Variants in STPG2 observed in about 807,000 individuals in gnomAD.
STPG2 encodes sperm-tail PG-rich repeat-containing protein 2.
A neutral mutation model predicts 54.2 loss-of-function variants in STPG2; 56 were observed. That is an observed-to-expected ratio of 1.03 (90% CI 0.83 to 1.29). The LOEUF (loss-of-function observed/expected upper bound fraction) is 1.29. STPG2 is among the 50% of genes most tolerant of loss of function. The pLI is 0.00. For synonymous variants in STPG2, 200 were observed against 181.8 expected (o/e 1.10, Z -0.81); for missense variants, 596 against 544.9 (o/e 1.09, Z -0.93).
chr4:97,594,347 C>T (rs576707916), intron 10 of STPG2, among the ~76,000 whole-genome samples: 1 of 152,238 alleles, frequency 6.6e-6, no homozygotes, highest in South Asian at 2.1e-4. Context: ...TCAAGAATTT[C>T]AGAATATAAT....
intron 8 of STPG2, among the ~76,000 whole-genome samples, chr4:97,889,040 G>A (rs1730676416): frequency 6.6e-6 from 1 of 152,066 alleles, no homozygotes; most frequent in Non-Finnish European, 1.5e-5. Context: ...CTAGCATCAT[G>A]CTTCCTGTAC....
At chr4:97,508,781 A>C (rs1397466242) in intron 4 of STPG2, among the ~76,000 whole-genome samples, 4 of 152,192 alleles carry the variant, frequency 2.6e-5, no homozygotes, top group African/African-American at 9.6e-5. Context: ...CACGATTATG[A>C]ACTAAAATTT....
At chr4:97,978,116 A>G (rs1385424762) in intron 6 of STPG2, among the ~76,000 whole-genome samples, 1 of 152,174 alleles carries the variant, frequency 6.6e-6, no homozygotes, top group African/African-American at 2.4e-5. Context: ...AAGAGTTTAT[A>G]AAGTGTTCAG....
At chr4:98,084,849 T>C (rs565059806) in intron 5 of STPG2, among the ~76,000 whole-genome samples, 80 of 152,278 alleles carry the variant, frequency 5.3e-4, no homozygotes, top group Non-Finnish European at 1.0e-3. Context: ...TTATTCTAGA[T>C]ACAATTATTT....
At chr4:98,010,200 T>C (rs2149281656) in intron 5 of STPG2, among the ~76,000 whole-genome samples, 1 of 152,274 alleles carries the variant, frequency 6.6e-6, no homozygotes, top group African/African-American at 2.4e-5. Context: ...GTTATTTAAG[T>C]CGTTCTACTA....
chr4:97,819,037 T>C (rs1728003592), intron 9 of STPG2, among the ~76,000 whole-genome samples: 1 of 149,842 alleles, frequency 6.7e-6, no homozygotes, highest in South Asian at 2.1e-4. Context: ...AGGTTGAAAA[T>C]TAATAAAGTT....
At chr4:97,493,711 A>G (rs957490586) in intron 4 of STPG2, among the ~76,000 whole-genome samples, 2 of 151,592 alleles carry the variant, frequency 1.3e-5, no homozygotes, top group African/African-American at 4.8e-5. Context: ...GAAAAAGTAC[A>G]TAAGAAACGA....
intron 4 of STPG2, among the ~76,000 whole-genome samples, chr4:97,530,382 G>A (rs1441755450): frequency 6.6e-6 from 1 of 152,196 alleles, no homozygotes; most frequent in African/African-American, 2.4e-5. Flanking sequence ...GCGAAGGAAT[G>A]AATATGTTTT....
chr4:97,535,564 C>T (rs1164722218), intron 4 of STPG2, among the ~76,000 whole-genome samples: 1 of 152,122 alleles, frequency 6.6e-6, no homozygotes, highest in Non-Finnish European at 1.5e-5. Flanking sequence ...GGTAAAAACA[C>T]AGTTCCATTT....
intron 10 of STPG2, among the ~76,000 whole-genome samples, chr4:97,562,077 G>T (rs567727317): frequency 6.6e-6 from 1 of 152,266 alleles, no homozygotes; most frequent in East Asian, 1.9e-4. Flanking sequence ...TCATGAGCAT[G>T]GAATGTTCTT....
At chr4:97,764,424 T>G (rs1454972715) in intron 9 of STPG2, among the ~76,000 whole-genome samples, 1 of 152,180 alleles carries the variant, frequency 6.6e-6, no homozygotes, top group South Asian at 2.1e-4. Flanking sequence ...ACTATTGTAT[T>G]TGATACACTC....
intron 4 of STPG2, among the ~76,000 whole-genome samples, chr4:97,548,306 T>C (rs1400580511): frequency 3.9e-5 from 6 of 152,084 alleles, no homozygotes; most frequent in African/African-American, 1.4e-4. Flanking sequence ...GGCAGATAGA[T>C]AGAAGAAAAA....
rs544800331 is a variant in STPG2, at chr4:97,948,181, G to A, written c.934-4174C>T. Among the ~76,000 whole-genome samples the A allele has an allele frequency of 1.6e-4, 24 of 152,086 alleles. No individual in the cohort carries two copies. In the South Asian group the frequency reaches 4.6e-3, roughly 29 times the overall value. On this transcript the variant is annotated intron_variant, in intron 7 of 10. Coordinates refer to ENST00000295268, the MANE Select transcript of STPG2 (RefSeq NM_174952.3). ...TTATCCATTTCCTCTAGATTTCCTA[G>A]GTTGTGTGCATAGTTTGTGTTTCTA...
intron 5 of STPG2, among the ~76,000 whole-genome samples, chr4:97,995,841 T>C (rs1036812105): frequency 3.3e-5 from 5 of 152,092 alleles, no homozygotes; most frequent in African/African-American, 4.8e-5. Flanking sequence ...AAACCCCACA[T>C]GTTGAAGGAA....
intron 10 of STPG2, among the ~76,000 whole-genome samples, chr4:97,594,124 C>T (rs1225421857): frequency 6.6e-6 from 1 of 152,080 alleles, no homozygotes; most frequent in East Asian, 1.9e-4. Context: ...GTACTCGTTC[C>T]CCAGCAATGG....
chr4:97,455,368 C>G (rs949682802), intron 4 of STPG2, among the ~76,000 whole-genome samples: 1 of 152,136 alleles, frequency 6.6e-6, no homozygotes, highest in African/African-American at 2.4e-5. Flanking sequence ...TGCCTCCAAC[C>G]TGTGCCTATA....
At chr4:97,955,053 C>G (rs1213581325) in intron 7 of STPG2, among the ~76,000 whole-genome samples, 1 of 151,682 alleles carries the variant, frequency 6.6e-6, no homozygotes, top group African/African-American at 2.4e-5. Flanking sequence ...ATTAAACAGG[C>G]ATTCTAGAAA....
At chr4:97,449,681 A>C (rs1383062576) in intron 4 of STPG2, among the ~76,000 whole-genome samples, 2 of 152,188 alleles carry the variant, frequency 1.3e-5, no homozygotes, top group African/African-American at 4.8e-5. Context: ...AATAGGATAG[A>C]TTAAAAAGTT....
At position 97,972,916 on chromosome 4, in the gene STPG2, G is replaced by A. The variant is rs193043515; in HGVS notation, c.773-476C>T. ...CCTTCCCAACCATGTGGAACCATAA[G>A]TCCATTAAACCTCTCTTTTGCAAAT... On this transcript the variant is annotated intron_variant, in intron 6 of 10. Transcript: ENST00000295268. Among the ~76,000 whole-genome samples the A allele has an allele frequency of 4.2e-3, 642 of 152,300 alleles. 3 individuals are homozygous for A. The highest frequency in any genetic ancestry group is 0.024 in the South Asian group (117 of 4,830).
Sources: gnomAD v4.1 joint callset for allele counts (sites outside exome capture counted in the v4.1 genomes callset) on GRCh38, gnomAD v4.1.1 for gene constraint, MANE v1.5 for transcripts, NCBI Gene and HGNC (gene_info 2026-07-23, HGNC 2026-07-21) for gene names.